Variants in RANBP9 observed in about 807,000 individuals in gnomAD.
The protein encoded by RANBP9 is RAN binding protein 9.
In RANBP9, 15 loss-of-function variants were observed where a neutral mutation model predicts 84.3. The observed-to-expected ratio is 0.18, with a 90% CI of 0.12 to 0.27. The LOEUF is 0.27. Ranked by LOEUF, RANBP9 falls within the 10% of genes least tolerant of loss-of-function variation. RANBP9 has a pLI of 1.00. For synonymous variants in RANBP9, 392 were observed against 349.6 expected, an observed-to-expected ratio of 1.12 and a Z score of -1.35; for missense variants, 809 against 912.8, an observed-to-expected ratio of 0.89 and a Z score of 1.46.
intron 3 of RANBP9, among the ~76,000 whole-genome samples, chr6:13,657,875 G>C (rs1765439122): frequency 6.6e-6 from 1 of 152,160 alleles, no homozygotes; most frequent in Non-Finnish European, 1.5e-5. Context: ...GCATGTCAAG[G>C]TAACATATGT....
Position 13,711,321 on chromosome 6 carries a change from G to A in RANBP9, c.185C>T (p.Ala62Val). ...GGGAGGEGLG[A>V]AAAALLLHPP... is the part of the protein sequence containing the mutation. ...GTGGAGGAGCAGGGCGGCCGCCGCG[G>A]CCCCTAAGCCTTCGCCGCCCGCACC... is the stretch of plus-strand genomic sequence containing the variant. The change falls in exon 1 of 14, where the codon GCC becomes GTC. Residue 62 changes from alanine (A) to valine (V), a missense_variant. Ala to Val is a moderately conservative substitution (Grantham distance 64). Transcript: ENST00000011619. The A allele has an allele frequency of 9.2e-7, 1 of 1,088,602 alleles. No homozygotes were observed. Among genetic ancestry groups the A allele is most frequent in the Non-Finnish European group, 1.1e-6 (1 of 897,750 alleles). The allele number at this position is 1,088,602 out of a possible 1,614,324, so 67.4% of individuals were successfully genotyped here. A position where few individuals can be genotyped will look rare whatever the true frequency, so the allele number is the denominator to read the frequency against.
chr6:13,630,802 TAC>T (rs1035758462), intron 12 of RANBP9, among the ~76,000 whole-genome samples: 2 of 151,738 alleles, frequency 1.3e-5, no homozygotes, highest in African/African-American at 4.8e-5. Flanking sequence ...TAAAGAGACT[TAC>T]AAAAAAATAT....
At position 13,674,558 on chromosome 6, in the gene RANBP9, C is replaced by T. The variant is rs145286469; in HGVS notation, c.684-15726G>A. Among the ~76,000 whole-genome samples, 67 of 152,284 alleles carry T rather than the reference C, an allele frequency of 4.4e-4. No individual in the cohort carries two copies. In the East Asian group the frequency reaches 0.012, roughly 27 times the overall value. ...ACTGTTTCTCATAAAAGCAGGATGT[C>T]GGCAAACTGACAAACTGTGTCTGTT... On this transcript the variant is annotated intron_variant, in intron 2 of 13. Coordinates refer to ENST00000011619, the MANE Select transcript of RANBP9 (RefSeq NM_005493.3).
chr6:13,669,301 C>T (rs1765721632), intron 2 of RANBP9, among the ~76,000 whole-genome samples: 1 of 152,064 alleles, frequency 6.6e-6, no homozygotes, highest in Admixed American at 6.6e-5. Context: ...AGCAATACTC[C>T]CCAAATTAAT....
chr6:13,702,533 TCA>T (rs1222755309), intron 1 of RANBP9, among the ~76,000 whole-genome samples: 1 of 152,262 alleles, frequency 6.6e-6, no homozygotes, highest in Non-Finnish European at 1.5e-5. Flanking sequence ...TTATGTCGCT[TCA>T]GTTTTACCTA....
intron 2 of RANBP9, among the ~76,000 whole-genome samples, chr6:13,662,928 G>GT (rs1584929986): frequency 2.0e-5 from 3 of 152,050 alleles, no homozygotes; most frequent in African/African-American, 7.3e-5. Context: ...AGAAAAAAAG[G>GT]TAGGGGTATG....
At chr6:13,710,851 C>T (rs1024315438) in intron 1 of RANBP9, 84 bp downstream of exon 1, 9 of 1,415,888 alleles carry the variant, frequency 6.4e-6, no homozygotes, top group Non-Finnish European at 7.6e-6. Flanking sequence ...GGGCGGGGGT[C>T]GGGGGCGGGT....
At chr6:13,663,847 T>C (rs1765587705) in intron 2 of RANBP9, among the ~76,000 whole-genome samples, 1 of 152,050 alleles carries the variant, frequency 6.6e-6, no homozygotes. Context: ...TTTAACACCA[T>C]TCAAAATAAA....
intron 7 of RANBP9, 83 bp downstream of exon 7, chr6:13,642,396 A>G (rs1459898487): frequency 1.4e-6 from 1 of 715,410 alleles, no homozygotes; most frequent in Non-Finnish European, 2.0e-6. Context: ...TTTTTTAATT[A>G]AAAAAACAAA....
At chr6:13,692,526 T>TC (rs2113350393) in intron 2 of RANBP9, among the ~76,000 whole-genome samples, 1 of 6,086 alleles carries the variant, frequency 1.6e-4, no homozygotes, top group Admixed American at 3.4e-3. Flanking sequence ...AAACTCCGTC[T>TC]CAAAAAAAAA....
At chr6:13,671,186 C>T (rs1188535303) in intron 2 of RANBP9, among the ~76,000 whole-genome samples, 1 of 152,136 alleles carries the variant, frequency 6.6e-6, no homozygotes, top group Non-Finnish European at 1.5e-5. Flanking sequence ...TGTGGAGAAA[C>T]TGCAACTATC....
chr6:13,654,249 A>G (rs950762962), intron 4 of RANBP9, among the ~76,000 whole-genome samples: 1 of 152,220 alleles, frequency 6.6e-6, no homozygotes, highest in East Asian at 1.9e-4. Flanking sequence ...ACAAGATGGC[A>G]TAACTATTTG....
chr6:13,672,501 C>A (rs1025536387), intron 2 of RANBP9, among the ~76,000 whole-genome samples: 1 of 151,886 alleles, frequency 6.6e-6, no homozygotes, highest in African/African-American at 2.4e-5. Flanking sequence ...ATGTCTTATA[C>A]CTACAAACAA....
chr6:13,639,387 C>T (rs773683901), intron 9 of RANBP9, among the ~76,000 whole-genome samples, 176 bp downstream of exon 9: 30 of 152,084 alleles, frequency 2.0e-4, no homozygotes, highest in Non-Finnish European at 3.1e-4. Flanking sequence ...ACCATGTTGG[C>T]CAGGCTGGTC....
chr6:13,669,606 T>C (rs953379038), intron 2 of RANBP9, among the ~76,000 whole-genome samples: 3 of 152,224 alleles, frequency 2.0e-5, no homozygotes, highest in Non-Finnish European at 4.4e-5. Flanking sequence ...TGTTGTTGTT[T>C]TGCGACAAGT....
intron 2 of RANBP9, among the ~76,000 whole-genome samples, chr6:13,661,303 A>G (rs920019079): frequency 3.3e-5 from 5 of 152,226 alleles, no homozygotes; most frequent in African/African-American, 9.6e-5. Flanking sequence ...AAACTCTAAT[A>G]CAAACCTAGT....
At chr6:13,625,270 A>T (rs893572500) in intron 13 of RANBP9, among the ~76,000 whole-genome samples, 1 of 152,188 alleles carries the variant, frequency 6.6e-6, no homozygotes, top group African/African-American at 2.4e-5. Flanking sequence ...AGTGGCAGAA[A>T]ATGCCTTTCA....
At chr6:13,688,672 C>T (rs1766247058) in intron 2 of RANBP9, among the ~76,000 whole-genome samples, 1 of 151,750 alleles carries the variant, frequency 6.6e-6, no homozygotes, top group Non-Finnish European at 1.5e-5. Flanking sequence ...CTGTTATTTT[C>T]CTCCTGTTAT....
intron 2 of RANBP9, among the ~76,000 whole-genome samples, chr6:13,669,582 A>G (rs988284771): frequency 3.3e-5 from 5 of 152,178 alleles, no homozygotes; most frequent in Non-Finnish European, 7.4e-5. Context: ...TTCACGATCA[A>G]TTAATTTTGT....
Sources: gnomAD v4.1 joint callset for allele counts (sites outside exome capture counted in the v4.1 genomes callset) on GRCh38, gnomAD v4.1.1 for gene constraint, MANE v1.5 for transcripts, NCBI Gene and HGNC (gene_info 2026-07-23, HGNC 2026-07-21) for gene names.